Variants in DNAJC21 observed in about 807,000 individuals in gnomAD.
DNAJC21 encodes the protein dnaJ homolog subfamily C member 21.
In DNAJC21, 63 loss-of-function variants were observed where a neutral mutation model predicts 72.4. That is an observed-to-expected ratio of 0.87 (90% CI 0.71 to 1.07). DNAJC21 has a LOEUF of 1.07. Among genes scored for constraint, DNAJC21 ranks in the 50% least tolerant of loss-of-function variants. The pLI is 0.00. For missense variants in DNAJC21, 634 were observed against 644.8 expected, an observed-to-expected ratio of 0.98 and a Z score of 0.18; for synonymous variants, 203 against 216.7, an observed-to-expected ratio of 0.94 and a Z score of 0.56.
intron 9 of DNAJC21, among the ~76,000 whole-genome samples, chr5:34,949,877 AC>A (rs1391171963): frequency 6.6e-6 from 1 of 152,190 alleles, no homozygotes; most frequent in African/African-American, 2.4e-5. Flanking sequence ...TCTTTCTTCT[AC>A]TTTTGCTAAT....
chr5:34,953,885 G>A (rs374541395), intron 10 of DNAJC21, 41 bp from the exon 11 acceptor site: 1 of 1,510,418 alleles, frequency 6.6e-7, no homozygotes, highest in Non-Finnish European at 9.1e-7. Context: ...GTTAAAAGGA[G>A]TATGTTATTT....
intron 7 of DNAJC21, among the ~76,000 whole-genome samples, chr5:34,943,649 A>G (rs941592081): frequency 6.6e-6 from 1 of 152,210 alleles, no homozygotes; most frequent in Non-Finnish European, 1.5e-5. Flanking sequence ...TCATAGCTTT[A>G]GCATCTGTTG....
intron 10 of DNAJC21, chr5:34,952,220 T>C: frequency 1.0e-6 from 1 of 985,178 alleles, no homozygotes; most frequent in South Asian, 4.7e-5. Flanking sequence ...ATAATATAAG[T>C]GATGTTTGCC....
At chr5:34,946,888 G>A (rs1056286399) in intron 9 of DNAJC21, among the ~76,000 whole-genome samples, 1 of 152,092 alleles carries the variant, frequency 6.6e-6, no homozygotes, top group African/African-American at 2.4e-5. Context: ...TTTTCTTACT[G>A]ATGAAAATGC....
intron 7 of DNAJC21, among the ~76,000 whole-genome samples, chr5:34,943,638 C>T (rs982940340): frequency 1.3e-5 from 2 of 152,160 alleles, no homozygotes; most frequent in African/African-American, 4.8e-5. Context: ...AAAAGTTTTC[C>T]TCATAGCTTT....
intron 5 of DNAJC21, among the ~76,000 whole-genome samples, chr5:34,937,843 T>C (rs1287447049): frequency 6.6e-6 from 1 of 152,208 alleles, no homozygotes; most frequent in Non-Finnish European, 1.5e-5. Flanking sequence ...TCACCCAGGC[T>C]GGAGTGCAAT....
At chr5:34,931,010 A>G (rs780053217) in intron 1 of DNAJC21, among the ~76,000 whole-genome samples, 21 of 152,204 alleles carry the variant, frequency 1.4e-4, no homozygotes, top group African/African-American at 4.6e-4. Context: ...GAGGAATGCA[A>G]TTTGGAAAAG....
At chr5:34,944,403 C>T (rs934349749) in intron 7 of DNAJC21, among the ~76,000 whole-genome samples, 2 of 152,164 alleles carry the variant, frequency 1.3e-5, no homozygotes, top group African/African-American at 4.8e-5. Context: ...TTCTAATTTC[C>T]CAGTGATCCC....
intron 2 of DNAJC21, among the ~76,000 whole-genome samples, chr5:34,935,374 T>C (rs1764734015): frequency 6.6e-6 from 1 of 152,230 alleles, no homozygotes; most frequent in African/African-American, 2.4e-5. Flanking sequence ...GTAATGATTC[T>C]GTGGGCCAGA....
At position 34,948,692 on chromosome 5, in the gene DNAJC21, C is replaced by T. The variant is rs895315751; in HGVS notation, c.1186-1478C>T. Among the ~76,000 whole-genome samples the T allele has an allele frequency of 3.9e-5, 6 of 152,178 alleles. No homozygotes were observed. In the South Asian group the frequency reaches 8.3e-4, roughly 21 times the overall value. On this transcript the variant is annotated intron_variant, in intron 9 of 11. Coordinates refer to ENST00000648817, the MANE Select transcript of DNAJC21 (RefSeq NM_001012339.3). ...TCAGCTTGGCCAACATAGTGAAACCCCATCTCTACTAAAAATACAAAAATT... is the reference window on the plus strand; with the variant it reads ...TCAGCTTGGCCAACATAGTGAAACCTCATCTCTACTAAAAATACAAAAATT...
intron 5 of DNAJC21, among the ~76,000 whole-genome samples, chr5:34,938,173 A>G (rs907507064): frequency 6.6e-6 from 1 of 152,184 alleles, no homozygotes; most frequent in African/African-American, 2.4e-5. Context: ...CTTTTGTAAA[A>G]CTTAATAATT....
chr5:34,929,916 G>C lies in DNAJC21; in HGVS notation c.97G>C (p.Asp33His), dbSNP rs1173895587. 3 of 1,575,406 alleles carry C rather than the reference G, an allele frequency of 1.9e-6. No homozygotes were observed. The highest frequency in any genetic ancestry group is 2.6e-6 in the Non-Finnish European group (3 of 1,160,890). The change falls in exon 1 of 12, where the codon GAT becomes CAT. Residue 33 changes from aspartate (D) to histidine (H), a missense_variant and splice_region_variant. Physicochemically the swap from Asp to His is moderately conservative, Grantham distance 81. Transcript: ENST00000648817. The stretch of plus-strand genomic sequence containing the variant: ...GAAGCTGGCCCTGAAATGGCACCCG[G>C]GTAAGTACCTGTCCCGCAGCCCCCG... ...YRKLALKWHP[D>H]KNLDNAAEAA... is the part of the protein sequence containing the mutation.
chr5:34,948,862 C>CAA (rs755582753), intron 9 of DNAJC21, among the ~76,000 whole-genome samples: 1 of 136,752 alleles, frequency 7.3e-6, no homozygotes. Flanking sequence ...AAGACTGTCT[C>CAA]AAAAAAAAAA....
intron 10 of DNAJC21, chr5:34,951,070 C>A: frequency 1.0e-6 from 1 of 985,482 alleles, no homozygotes; most frequent in Non-Finnish European, 1.2e-6. Flanking sequence ...ACTGGAGCAA[C>A]AGTGATGGGG....
Position 34,936,158 on chromosome 5 carries a change from G to A in DNAJC21, c.330G>A (p.Val110=). Residue 110 remains valine (V), a synonymous_variant, in exon 4 of 12, where the codon GTG becomes GTA. Transcript: ENST00000648817. ...CTGTTTTTTAGGGATTTTACACGGTGTATCGTAATGTTTTTGAAATGATTG... is the reference window on the plus strand; with the variant it reads ...CTGTTTTTTAGGGATTTTACACGGTATATCGTAATGTTTTTGAAATGATTG... ...YGDDEKGFYT[V]YRNVFEMIAK... is the part of the protein sequence containing the mutation. 4 of 1,613,878 alleles carry A rather than the reference G, an allele frequency of 2.5e-6. No homozygotes were observed. The highest frequency in any genetic ancestry group is 2.2e-5 in the East Asian group (1 of 44,832).
intron 10 of DNAJC21, chr5:34,952,081 G>GTGTGGACAC (rs1765387034): frequency 1.0e-6 from 1 of 985,164 alleles, no homozygotes; most frequent in Non-Finnish European, 1.2e-6. Context: ...CTCTGGAGTG[G>GTGTGGACAC]TGTGGACACT....
chr5:34,952,825 TG>T (rs1765420736), intron 10 of DNAJC21: 1 of 152,168 alleles, frequency 6.6e-6, no homozygotes. Flanking sequence ...GTGCGACTAT[TG>T]AAGTGTTTGT....
At chr5:34,942,217 T>C (rs1463844470) in intron 7 of DNAJC21, among the ~76,000 whole-genome samples, 1 of 152,154 alleles carries the variant, frequency 6.6e-6, no homozygotes, top group East Asian at 1.9e-4. Flanking sequence ...ATGCTGCCAA[T>C]ATAGGGGCTT....
Position 34,952,123 on chromosome 5 carries a change from ATGTGTGTG to A in DNAJC21, c.1359-1783_1359-1776del, listed in dbSNP as rs3220525. ...CTACTGAGAAGTGTTTTTTTAAAAA[ATGTGTGTG>A]TGTGTGTGTGTGTGTGTGTATAGTA... On this transcript the variant is annotated intron_variant, in intron 10 of 11. Transcript: ENST00000648817. 145 of 946,928 alleles carry A rather than the reference ATGTGTGTG, an allele frequency of 1.5e-4. 1 individual carries two copies. The East Asian group carries it at 1.0e-2, about 65-fold the overall frequency. The allele number at this position is 946,928 out of a possible 1,614,324, so 58.7% of individuals were successfully genotyped here. A position where few individuals can be genotyped will look rare whatever the true frequency, so the allele number is the denominator to read the frequency against.
Sources: gnomAD v4.1 joint callset for allele counts (sites outside exome capture counted in the v4.1 genomes callset) on GRCh38, gnomAD v4.1.1 for gene constraint, MANE v1.5 for transcripts, NCBI Gene and HGNC (gene_info 2026-07-23, HGNC 2026-07-21) for gene names.